CDK14: variants seen among roughly 807,000 people sequenced by gnomAD.
CDK14 encodes the protein cyclin dependent kinase 14, also known as cyclin-dependent kinase 14.
CDK14 carries 34 observed loss-of-function variants against 60.7 expected under a neutral mutation model. The observed-to-expected ratio is 0.56, with a 90% CI of 0.43 to 0.75. The LOEUF (loss-of-function observed/expected upper bound fraction) is 0.75. CDK14 is among the 30% of genes least tolerant of loss of function. The pLI, the probability that CDK14 is intolerant of heterozygous loss-of-function variation, is 0.00. For missense variants in CDK14, 482 were observed against 564.1 expected (o/e 0.85, Z 1.47); for synonymous variants, 197 against 203.7 (o/e 0.97, Z 0.28).
intron 4 of CDK14, among the ~76,000 whole-genome samples, chr7:90,763,378 C>T (rs1804406174): frequency 1.3e-5 from 2 of 152,168 alleles, no homozygotes; most frequent in Admixed American, 1.3e-4. Context: ...TACTCTTGAT[C>T]AAGTGTTCAA....
At chr7:91,120,604 G>C (rs945346612) in intron 14 of CDK14, among the ~76,000 whole-genome samples, 4 of 150,942 alleles carry the variant, frequency 2.7e-5, no homozygotes, top group African/African-American at 9.8e-5. Context: ...CATAATCTTG[G>C]CTCTCTGCAA....
At chr7:90,885,522 C>G (rs1791914246) in intron 6 of CDK14, among the ~76,000 whole-genome samples, 1 of 152,144 alleles carries the variant, frequency 6.6e-6, no homozygotes, top group African/African-American at 2.4e-5. Flanking sequence ...TCTCAGGGAT[C>G]TAGAACCAGA....
intron 5 of CDK14, among the ~76,000 whole-genome samples, chr7:90,816,961 T>C (rs1197870520): frequency 2.0e-5 from 3 of 152,178 alleles, no homozygotes; most frequent in Non-Finnish European, 4.4e-5. Flanking sequence ...GAGTCATCAC[T>C]GCAGAGAAGA....
rs1186176624 is a variant in CDK14, at chr7:91,175,221, A to T, written c.*29-31944A>T. On this transcript the variant is annotated intron_variant, in intron 14 of 14. Coordinates refer to ENST00000380050, the MANE Select transcript of CDK14 (RefSeq NM_001287135.2). ...CCAGCCAAACTAAGCGTCATAAGTG[A>T]AGGAGAAATAAAATAGTTTACAGAC... is the stretch of plus-strand genomic sequence containing the variant. 6.6e-5 allele frequency among the ~76,000 whole-genome samples: 10 copies of T among 152,210 alleles called. 2 individuals carry two copies. The highest frequency in any genetic ancestry group is 2.4e-4 in the African/African-American group (10 of 41,520).
At chr7:91,075,809 T>G (rs554169916) in intron 11 of CDK14, among the ~76,000 whole-genome samples, 1 of 152,204 alleles carries the variant, frequency 6.6e-6, no homozygotes, top group African/African-American at 2.4e-5. Flanking sequence ...TCACAAGCAT[T>G]CCTACGTACC....
At chr7:91,112,810 A>G (rs187029621) in intron 13 of CDK14, 129 bp downstream of exon 13, 2 of 889,186 alleles carry the variant, frequency 2.2e-6, no homozygotes, top group South Asian at 1.6e-5. Context: ...GTATGTTTGT[A>G]TGTGCATTAC....
At chr7:91,066,854 C>A (rs567243698) in intron 11 of CDK14, among the ~76,000 whole-genome samples, 2 of 152,314 alleles carry the variant, frequency 1.3e-5, no homozygotes, top group South Asian at 4.2e-4. Context: ...ACCTGATCTC[C>A]TGCTGTGTTG....
At chr7:90,619,314 A>G (rs1799718606) in intron 2 of CDK14, among the ~76,000 whole-genome samples, 1 of 152,242 alleles carries the variant, frequency 6.6e-6, no homozygotes, top group Admixed American at 6.5e-5. Context: ...ATTTCAAATA[A>G]CACAATTGAC....
chr7:91,045,253 C>G (rs2116021857), intron 10 of CDK14, among the ~76,000 whole-genome samples: 1 of 152,134 alleles, frequency 6.6e-6, no homozygotes, highest in South Asian at 2.1e-4. Flanking sequence ...CTGAAATTGC[C>G]CATTAGTTCC....
At chr7:90,681,865 C>T (rs1367424665) in intron 2 of CDK14, among the ~76,000 whole-genome samples, 5 of 152,216 alleles carry the variant, frequency 3.3e-5, no homozygotes, top group East Asian at 1.9e-4. Flanking sequence ...CCTGGACCAT[C>T]TTCAAAGAAA....
chr7:90,770,177 T>C (rs1298366335), intron 4 of CDK14, among the ~76,000 whole-genome samples: 1 of 152,242 alleles, frequency 6.6e-6, no homozygotes, highest in Non-Finnish European at 1.5e-5. Context: ...AACACACATG[T>C]AATTGCTTGT....
intron 2 of CDK14, among the ~76,000 whole-genome samples, chr7:90,671,308 T>G (rs1358251347): frequency 6.6e-6 from 1 of 152,066 alleles, no homozygotes; most frequent in African/African-American, 2.4e-5. Context: ...TTTTCTTTTT[T>G]CGGGTCTTCA....
chr7:90,834,066 T>C (rs560555959), intron 5 of CDK14, among the ~76,000 whole-genome samples: 8 of 152,324 alleles, frequency 5.3e-5, no homozygotes, highest in Non-Finnish European at 8.8e-5. Context: ...AATTATTAGC[T>C]CTTGATGTTT....
At chr7:90,870,716 G>C (rs4728940) in intron 6 of CDK14, among the ~76,000 whole-genome samples, 133,465 of 152,126 alleles carry the variant, frequency 0.88, 58,744 homozygotes, top group East Asian at 0.96. Context: ...TGTTTATAAT[G>C]TTTGGGAAAT....
chr7:90,631,641 T>A lies in CDK14; in HGVS notation c.123+27392T>A, dbSNP rs780185597. On this transcript the variant is annotated intron_variant, in intron 2 of 14. Coordinates refer to ENST00000380050, the MANE Select transcript of CDK14 (RefSeq NM_001287135.2). ...GTCTTGTTCAGCAGTTGGTTTGGAGTGGACCACAAAGCTCAGAGGCAAAAG... is the reference window on the plus strand; with the variant it reads ...GTCTTGTTCAGCAGTTGGTTTGGAGAGGACCACAAAGCTCAGAGGCAAAAG... 1.1e-4 allele frequency among the ~76,000 whole-genome samples: 17 copies of A among 152,078 alleles called. 1 individual carries two copies. The highest frequency in any genetic ancestry group is 8.3e-4 in the South Asian group (4 of 4,816).
At chr7:90,626,993 AAAG>A (rs2116389347) in intron 2 of CDK14, among the ~76,000 whole-genome samples, 1 of 152,130 alleles carries the variant, frequency 6.6e-6, no homozygotes, top group Non-Finnish European at 1.5e-5. Flanking sequence ...CAAAACAAAA[AAAG>A]AAAAGTAAAA....
Position 91,076,201 on chromosome 7 carries a change from A to G in CDK14, c.1106-3231A>G, listed in dbSNP as rs968790943. On this transcript the variant is annotated intron_variant, in intron 11 of 14. Transcript: ENST00000380050. ...CAAAAAGAACAAAGCTGGAGGCATC[A>G]TGCTACCTGACTTCAAACTATACTA... 5.0e-5 allele frequency among the ~76,000 whole-genome samples: 7 copies of G among 140,034 alleles called. No homozygotes were observed. The East Asian group carries it at 1.5e-3, about 31-fold the overall frequency. The allele number at this position is 140,034 out of a possible 152,430, so 91.9% of individuals were successfully genotyped here.
At chr7:90,627,704 G>A (rs933468472) in intron 2 of CDK14, among the ~76,000 whole-genome samples, 5 of 151,826 alleles carry the variant, frequency 3.3e-5, no homozygotes, top group Non-Finnish European at 7.3e-5. Context: ...ATCTCAGAAC[G>A]TGAATTCAAC....
chr7:91,174,938 A>C (rs1336468708), intron 14 of CDK14, among the ~76,000 whole-genome samples: 1 of 145,348 alleles, frequency 6.9e-6, no homozygotes, highest in Non-Finnish European at 1.5e-5. Context: ...CAACATTCAG[A>C]TTCAGGAAAT....
Sources: gnomAD v4.1 joint callset for allele counts (sites outside exome capture counted in the v4.1 genomes callset) on GRCh38, gnomAD v4.1.1 for gene constraint, MANE v1.5 for transcripts, NCBI Gene and HGNC (gene_info 2026-07-23, HGNC 2026-07-21) for gene names.